The following RAB7B variants were observed in gnomAD, a reference collection of about 807,000 sequenced individuals.
RAB7B encodes the protein ras-related protein Rab-7b.
At chr1:205,993,043 C>A (rs1660751441) in intron 3 of RAB7B, among the ~76,000 whole-genome samples, 1 of 152,222 alleles carries the variant, frequency 6.6e-6, no homozygotes, top group African/African-American at 2.4e-5. Context: ...GAACCTGAGA[C>A]TAGGCGTGGG....
chr1:205,994,600 C>A, intron 1 of RAB7B, among the ~76,000 whole-genome samples: 1 of 152,284 alleles, frequency 6.6e-6, no homozygotes, highest in Middle Eastern at 3.4e-3. Context: ...TCCCCCAGCC[C>A]GAGGTCTAGC....
intron 4 of RAB7B, 76 bp from the exon 5 acceptor site, chr1:205,985,741 A>G (rs1660582772): frequency 2.7e-6 from 1 of 370,808 alleles, no homozygotes; most frequent in Non-Finnish European, 4.7e-6. Flanking sequence ...TCACATCCCC[A>G]CCATCCCCAT....
intron 4 of RAB7B, among the ~76,000 whole-genome samples, chr1:205,987,532 T>A (rs890530797): frequency 1.3e-4 from 20 of 152,342 alleles, no homozygotes; most frequent in South Asian, 6.2e-4. Flanking sequence ...ATTATACAAG[T>A]GCTAAAATTA....
At chr1:205,991,312 G>T (rs1231143876) in intron 4 of RAB7B, among the ~76,000 whole-genome samples, 3 of 152,178 alleles carry the variant, frequency 2.0e-5, no homozygotes, top group African/African-American at 7.2e-5. Context: ...CCTTGCCTTT[G>T]AATGAACTTA....
At chr1:205,994,805 A>G (rs1196076924) in intron 1 of RAB7B, among the ~76,000 whole-genome samples, 1 of 152,210 alleles carries the variant, frequency 6.6e-6, no homozygotes, top group Non-Finnish European at 1.5e-5. Flanking sequence ...TCTTCACTGT[A>G]CTGTTTATAA....
intron 4 of RAB7B, among the ~76,000 whole-genome samples, chr1:205,991,993 G>A (rs1660729689): frequency 6.6e-6 from 1 of 152,216 alleles, no homozygotes; most frequent in Non-Finnish European, 1.5e-5. Flanking sequence ...CAGAAAACTT[G>A]TATATCCAAG....
chr1:205,986,981 C>T (rs1184900192), intron 4 of RAB7B, among the ~76,000 whole-genome samples: 3 of 152,284 alleles, frequency 2.0e-5, no homozygotes, highest in African/African-American at 7.2e-5. Context: ...TTTCCTCTGA[C>T]TTACCATGAC....
At chr1:206,002,575 G>A (rs934789193) in intron 1 of RAB7B, among the ~76,000 whole-genome samples, 5 of 152,298 alleles carry the variant, frequency 3.3e-5, no homozygotes, top group East Asian at 1.9e-4. Flanking sequence ...CCTTTGTGGT[G>A]GGAGATTGAT....
At chr1:205,990,098 A>C (rs1660695126) in intron 4 of RAB7B, among the ~76,000 whole-genome samples, 1 of 152,228 alleles carries the variant, frequency 6.6e-6, no homozygotes, top group Non-Finnish European at 1.5e-5. Context: ...GAGGCGCAAC[A>C]ACTGGACAGA....
At chr1:205,985,501 G>A (rs1313205892) in intron 5 of RAB7B, 39 bp downstream of exon 5, 1 of 398,464 alleles carries the variant, frequency 2.5e-6, no homozygotes, top group Admixed American at 4.4e-5. Context: ...CCCCAATCCA[G>A]GGGCGGTCTC....
intron 5 of RAB7B, among the ~76,000 whole-genome samples, chr1:205,980,720 C>G (rs1036595861): frequency 1.2e-4 from 19 of 152,194 alleles, no homozygotes; most frequent in African/African-American, 4.6e-4. Context: ...CCAATTAACC[C>G]CAAAAGAACT....
rs955262618 is a variant in RAB7B, at chr1:205,977,346, T to C, written c.*1505A>G. ...AGCTTTCTTGCATTTCATTCTAGTA[T>C]TTGCCACAGATGCTGATTTCTTGCC... On this transcript the variant is annotated 3_prime_UTR_variant, in exon 6 of 6. Transcript: ENST00000617070. 24 of 152,320 alleles carry C rather than the reference T, an allele frequency of 1.6e-4. No homozygotes were observed. The highest frequency in any genetic ancestry group is 5.5e-4 in the African/African-American group (23 of 41,568). The allele number at this position is 152,320 out of a possible 1,614,324, so 9.4% of individuals were successfully genotyped here. A position where few individuals can be genotyped will look rare whatever the true frequency, so the allele number is the denominator to read the frequency against.
chr1:205,998,925 T>A (rs1660849617), intron 1 of RAB7B, among the ~76,000 whole-genome samples: 2 of 152,242 alleles, frequency 1.3e-5, no homozygotes, highest in East Asian at 1.9e-4. Flanking sequence ...ACTATTATTA[T>A]CTGTTTTACC....
At chr1:205,993,083 C>T (rs1428380165) in intron 3 of RAB7B, among the ~76,000 whole-genome samples, 1 of 152,162 alleles carries the variant, frequency 6.6e-6, no homozygotes, top group Admixed American at 6.5e-5. Flanking sequence ...AATGTCCTTC[C>T]TTCTAGATCA....
At chr1:205,986,716 A>C (rs1371031189) in intron 4 of RAB7B, among the ~76,000 whole-genome samples, 1 of 152,178 alleles carries the variant, frequency 6.6e-6, no homozygotes, top group Non-Finnish European at 1.5e-5. Context: ...TTGATGTCTA[A>C]TTATTTGGGG....
Position 205,989,312 on chromosome 1 carries a change from C to T in RAB7B, c.396+3168G>A, listed in dbSNP as rs920892978. On this transcript the variant is annotated intron_variant, in intron 4 of 5. Transcript: ENST00000617070. ...GAGGGGGCTGGCTTGCCTGGTGCCT[C>T]ATTGCCTCTTTCAAACCTTTGTTCT... is the stretch of plus-strand genomic sequence containing the variant. Among the ~76,000 whole-genome samples the T allele has an allele frequency of 5.4e-4, 82 of 152,238 alleles. 2 individuals carry two copies. The highest frequency in any genetic ancestry group is 1.8e-3 in the African/African-American group (75 of 41,530).
At position 205,998,719 on chromosome 1, in the gene RAB7B, G is replaced by A. The variant is rs999899108; in HGVS notation, c.-17+4534C>T. Among the ~76,000 whole-genome samples the A allele has an allele frequency of 9.8e-4, 149 of 152,340 alleles. 1 individual carries two copies. The highest frequency in any genetic ancestry group is 4.4e-3 in the Admixed American group (68 of 15,302). On this transcript the variant is annotated intron_variant, in intron 1 of 5. Coordinates refer to ENST00000617070, the MANE Select transcript of RAB7B (RefSeq NM_001164522.3). Reference sequence around the variant, plus strand: ...CGTTACAAGCTAACATTTGTTTGGTGGGCACTGTGCTGAGGGCTTTGTGAA... The same window carrying A: ...CGTTACAAGCTAACATTTGTTTGGTAGGCACTGTGCTGAGGGCTTTGTGAA...
chr1:205,992,152 C>T lies in RAB7B; in HGVS notation c.396+328G>A, dbSNP rs1660731770. ...TCTGGACAAAATTACCTTTAGTTCT[C>T]AGCTTATATCATGCTGTTTATTCAG... On this transcript the variant is annotated intron_variant, in intron 4 of 5. Coordinates refer to ENST00000617070, the MANE Select transcript of RAB7B (RefSeq NM_001164522.3). Among the ~76,000 whole-genome samples, 3 of 152,304 alleles carry T rather than the reference C, an allele frequency of 2.0e-5. No individual in the cohort carries two copies. The South Asian group carries it at 6.2e-4, about 32-fold the overall frequency.
chr1:205,994,259 G>A (rs1660773312), intron 1 of RAB7B, 108 bp from the exon 2 acceptor site: 1 of 395,428 alleles, frequency 2.5e-6, no homozygotes, highest in East Asian at 3.6e-5. Context: ...TACTGCCCTG[G>A]GCCCGGGACT....
Sources: gnomAD v4.1 joint callset for allele counts (sites outside exome capture counted in the v4.1 genomes callset) on GRCh38, gnomAD v4.1.1 for gene constraint, MANE v1.5 for transcripts, NCBI Gene and HGNC (gene_info 2026-07-23, HGNC 2026-07-21) for gene names.